The following NBEA variants were observed in gnomAD, a reference collection of about 807,000 sequenced individuals.
NBEA encodes lysosomal-trafficking regulator 2.
A neutral mutation model predicts 343.4 loss-of-function variants in NBEA; 44 were observed. The ratio of observed to expected loss-of-function variants is 0.13; its 90% CI spans 0.10 to 0.16. The LOEUF is 0.16. Among genes scored for constraint, NBEA ranks in the 10% least tolerant of loss-of-function variants. The pLI, the probability that NBEA is intolerant of heterozygous loss-of-function variation, is 1.00. For missense variants in NBEA, 2,555 were observed against 3,631.3 expected, an observed-to-expected ratio of 0.70 and a Z score of 7.62; for synonymous variants, 1,175 against 1,238.7, an observed-to-expected ratio of 0.95 and a Z score of 1.08.
rs565554672 is a variant in NBEA at position 34,986,631 on chromosome 13, A to G, written c.294+43517A>G. Among the ~76,000 whole-genome samples, 277 of 150,748 alleles carry G rather than the reference A, an allele frequency of 1.8e-3. 10 individuals are homozygous for G. The highest frequency in any genetic ancestry group is 3.5e-3 in the Non-Finnish European group (236 of 67,254). On this transcript the variant is annotated intron_variant, in intron 1 of 58. Coordinates refer to ENST00000379939, the MANE Select transcript of NBEA (RefSeq NM_001385012.1). ...CATTGATCTGTCTAATATTGACAGTAGGGTGTTAAAGTCTCCCATTATTAT... is the reference window on the plus strand; with the variant it reads ...CATTGATCTGTCTAATATTGACAGTGGGGTGTTAAAGTCTCCCATTATTAT...
chr13:34,990,060 T>C (rs1271100459), intron 1 of NBEA, among the ~76,000 whole-genome samples: 1 of 151,190 alleles, frequency 6.6e-6, no homozygotes, highest in East Asian at 1.9e-4. Context: ...TGGGCATTTA[T>C]GCTCCTTTAG....
intron 44 of NBEA, among the ~76,000 whole-genome samples, chr13:35,564,390 C>A (rs940410501): frequency 1.3e-5 from 2 of 151,794 alleles, no homozygotes; most frequent in African/African-American, 4.8e-5. Flanking sequence ...AGAACAGCTC[C>A]CCCAAGAAAA....
At chr13:35,141,370 G>A (rs1452569233) in intron 17 of NBEA, among the ~76,000 whole-genome samples, 8 of 152,046 alleles carry the variant, frequency 5.3e-5, no homozygotes, top group Non-Finnish European at 8.8e-5. Flanking sequence ...AGGTTTAAGC[G>A]ATTCTTCTGC....
At position 35,286,900 on chromosome 13, in the gene NBEA, T is replaced by C. The variant is rs1196058142; in HGVS notation, c.5777-3489T>C. ...AAGAACTGCCAGTTTTTTTGGATAA[T>C]GGTTTACTCAGCTATATCTGTTTTA... On this transcript the variant is annotated intron_variant, in intron 34 of 58. Coordinates refer to ENST00000379939, the MANE Select transcript of NBEA (RefSeq NM_001385012.1). Among the ~76,000 whole-genome samples, 3 of 152,152 alleles carry C rather than the reference T, an allele frequency of 2.0e-5. No homozygotes were observed. In the East Asian group the frequency reaches 5.8e-4, roughly 29 times the overall value.
Position 35,382,768 on chromosome 13 carries a change from T to TA in NBEA, c.6179+30451dup, listed in dbSNP as rs2042075817. ...AAAATGCCTGTATTTTGCAACATGA[T>TA]AAAAAATTTCATAAGCTAATTTGAA... On this transcript the variant is annotated intron_variant, in intron 38 of 58. Coordinates refer to ENST00000379939, the MANE Select transcript of NBEA (RefSeq NM_001385012.1). Among the ~76,000 whole-genome samples the TA allele has an allele frequency of 4.6e-5, 7 of 152,254 alleles. No individual in the cohort carries two copies. The South Asian group carries it at 1.5e-3, about 32-fold the overall frequency.
At chr13:35,292,498 G>A (rs1347508989) in intron 35 of NBEA, among the ~76,000 whole-genome samples, 5 of 151,972 alleles carry the variant, frequency 3.3e-5, no homozygotes, top group Non-Finnish European at 7.4e-5. Flanking sequence ...ATGAAGCACA[G>A]TCCCTGTAGA....
At chr13:35,183,701 A>G (rs2071477038) in intron 29 of NBEA, among the ~76,000 whole-genome samples, 1 of 151,960 alleles carries the variant, frequency 6.6e-6, no homozygotes. Flanking sequence ...TTTTATATCC[A>G]TTATATGTAC....
At chr13:35,459,005 GC>G (rs559844063) in intron 40 of NBEA, among the ~76,000 whole-genome samples, 5,177 of 100,386 alleles carry the variant, frequency 0.052, 339 homozygotes, top group African/African-American at 0.1. Flanking sequence ...CTTTACCACC[GC>G]CCCCCCCCCC....
At chr13:35,665,945 G>A (rs905828864) in intron 56 of NBEA, among the ~76,000 whole-genome samples, 1 of 152,112 alleles carries the variant, frequency 6.6e-6, no homozygotes, top group Non-Finnish European at 1.5e-5. Flanking sequence ...AGTTTTTGTA[G>A]AAGATCTTTC....
intron 41 of NBEA, among the ~76,000 whole-genome samples, chr13:35,506,380 A>G (rs2077073709): frequency 6.6e-6 from 1 of 152,194 alleles, no homozygotes; most frequent in Non-Finnish European, 1.5e-5. Context: ...CATCCATTAA[A>G]TGTATAAATC....
chr13:35,132,546 A>G (rs763575039), intron 17 of NBEA, among the ~76,000 whole-genome samples: 5 of 152,242 alleles, frequency 3.3e-5, no homozygotes, highest in Non-Finnish European at 7.3e-5. Context: ...TTTTATGTCT[A>G]TACAATGGAA....
chr13:35,394,452 T>C (rs1366581076), intron 38 of NBEA, among the ~76,000 whole-genome samples: 1 of 152,166 alleles, frequency 6.6e-6, no homozygotes. Flanking sequence ...CTGTAATGTT[T>C]AGAAACATTT....
chr13:35,033,185 C>G (rs1323829152), intron 1 of NBEA, among the ~76,000 whole-genome samples: 3 of 151,594 alleles, frequency 2.0e-5, no homozygotes, highest in Admixed American at 1.3e-4. Flanking sequence ...TTTTGTATAT[C>G]ATGAGAGATA....
rs1484091578 is a variant in NBEA, at chr13:35,070,836, G to C, written c.1555G>C (p.Val519Leu). Residue 519 changes from valine (V) to leucine (L), a missense_variant, in exon 10 of 59, where the codon GTG becomes CTG. Around this residue, in one of 21 missense-constraint regions of NBEA, gnomAD observed 360 missense variants for 519.1 expected, o/e 0.69. Transcript: ENST00000379939. ...LDNRQLNDSQ[V>L]ETTVCATLLA... The stretch of plus-strand genomic sequence containing the variant: ...TAATAGGCAGCTCAATGACAGTCAA[G>C]TGGAAACAACTGTCTGGTAAGTTTT... 1 of 1,609,896 alleles carries C rather than the reference G, an allele frequency of 6.2e-7. No homozygotes were observed. Among genetic ancestry groups the C allele is most frequent in the East Asian group, 2.2e-5 (1 of 44,692 alleles).
chr13:35,152,244 A>G (rs2068836573), intron 18 of NBEA, among the ~76,000 whole-genome samples: 1 of 152,208 alleles, frequency 6.6e-6, no homozygotes, highest in Non-Finnish European at 1.5e-5. Context: ...TATGAGTGCA[A>G]TCATTTTACG....
chr13:35,568,288 G>A (rs1036170362), intron 45 of NBEA, among the ~76,000 whole-genome samples: 1 of 151,958 alleles, frequency 6.6e-6, no homozygotes, highest in African/African-American at 2.4e-5. Flanking sequence ...TTTTAGCTGT[G>A]GTATTATAGA....
chr13:35,296,686 TC>T (rs1194611321), intron 35 of NBEA, among the ~76,000 whole-genome samples: 1 of 152,014 alleles, frequency 6.6e-6, no homozygotes, highest in Non-Finnish European at 1.5e-5. Context: ...TTTTCCTGTG[TC>T]TACATTGTAT....
intron 46 of NBEA, among the ~76,000 whole-genome samples, chr13:35,589,602 ATT>A (rs2081435988): frequency 6.6e-6 from 1 of 152,156 alleles, no homozygotes; most frequent in South Asian, 2.1e-4. Flanking sequence ...GATGTAAAAG[ATT>A]ATTATGAGAT....
intron 18 of NBEA, among the ~76,000 whole-genome samples, chr13:35,147,945 C>A (rs2068538173): frequency 6.6e-6 from 1 of 152,112 alleles, no homozygotes; most frequent in African/African-American, 2.4e-5. Flanking sequence ...GGGTCCTGTT[C>A]TTTGGCTGTT....
Sources: gnomAD v4.1 joint callset for allele counts (sites outside exome capture counted in the v4.1 genomes callset) on GRCh38, gnomAD v4.1.1 for gene constraint, gnomAD v4.1.1 regional missense constraint, MANE v1.5 for transcripts, NCBI Gene and HGNC (gene_info 2026-07-23, HGNC 2026-07-21) for gene names.